TP73: variants seen among roughly 807,000 people sequenced by gnomAD.
TP73 encodes tumor protein p73.
TP73 carries 25 observed loss-of-function variants against 62.5 expected under a neutral mutation model. That is an observed-to-expected ratio of 0.40 (90% confidence interval 0.29 to 0.56). The LOEUF is 0.56. TP73 is among the 20% of genes least tolerant of loss of function. The probability of loss-of-function intolerance (pLI) is 0.46; values close to 1 mark genes in which losing one functional copy is unlikely to be tolerated. For synonymous variants in TP73, 423 were observed against 377.5 expected (o/e 1.12, Z -1.40); for missense variants, 754 against 913.3 (o/e 0.83, Z 2.25).
rs1645025482 is a variant in TP73 at position 3,662,788 on chromosome 1, C to G, written c.-34+10147C>G. Among the ~76,000 whole-genome samples the G allele has an allele frequency of 6.6e-6, 1 of 152,148 alleles. No individual in the cohort carries two copies. Among genetic ancestry groups the G allele is most frequent in the South Asian group, 2.1e-4 (1 of 4,824 alleles). On this transcript the variant is annotated intron_variant, in intron 1 of 13. Coordinates refer to ENST00000378295, the MANE Select transcript of TP73 (RefSeq NM_005427.4). The surrounding 1 kb of genome is among the most constrained non-coding windows in gnomAD (Gnocchi z 4.4). Reference sequence around the variant, plus strand: ...GGGGCCTAGAGGGGCCTCTATGGGCCTTGGAGATGGAATCAGCTCCCCACC... The same window carrying G: ...GGGGCCTAGAGGGGCCTCTATGGGCGTTGGAGATGGAATCAGCTCCCCACC...
chr1:3,685,443 G>A (rs979647444), intron 3 of TP73, among the ~76,000 whole-genome samples: 17 of 152,218 alleles, frequency 1.1e-4, no homozygotes, highest in African/African-American at 4.1e-4. Context: ...ATTCCTAGGT[G>A]CACAGCTCGA....
At chr1:3,719,475 C>T (rs1426457548) in intron 4 of TP73, among the ~76,000 whole-genome samples, 2 of 152,252 alleles carry the variant, frequency 1.3e-5, no homozygotes, top group Non-Finnish European at 2.9e-5. Flanking sequence ...TGTCCCCAAC[C>T]AGCACAGATG....
intron 4 of TP73, among the ~76,000 whole-genome samples, chr1:3,715,775 C>T (rs1179657350): frequency 1.3e-5 from 2 of 152,110 alleles, no homozygotes; most frequent in Non-Finnish European, 2.9e-5. Context: ...GCCCTCGTCT[C>T]CTACTGGACC....
chr1:3,730,309 T>C (rs1056686920), intron 11 of TP73, among the ~76,000 whole-genome samples, 161 bp downstream of exon 11: 2 of 152,326 alleles, frequency 1.3e-5, no homozygotes, highest in Non-Finnish European at 2.9e-5. Context: ...CAGCCACGGA[T>C]AGCCCTCTCT....
rs370148076 is a variant in TP73 at position 3,707,674 on chromosome 1, C to T, written c.312C>T (p.Ser104=). 7 of 1,613,160 alleles carry T rather than the reference C, an allele frequency of 4.3e-6. No homozygotes were observed. The highest frequency in any genetic ancestry group is 5.9e-6 in the Non-Finnish European group (7 of 1,179,974). ...PTHSPYAQPS[S]TFDTMSPAPV... ...ACTCGCCCTACGCACAACCCAGCTC[C>T]ACCTTCGACACCATGTCGCCGGCGC... is the stretch of plus-strand genomic sequence containing the variant. Residue 104 remains serine, a synonymous_variant, in exon 4 of 14, where the codon TCC becomes TCT. Transcript: ENST00000378295.
chr1:3,719,916 G>A (rs944372283), intron 4 of TP73, among the ~76,000 whole-genome samples: 17 of 151,464 alleles, frequency 1.1e-4, no homozygotes, highest in Non-Finnish European at 1.6e-4. Context: ...GTGTGTGTGT[G>A]TGTGTGTGTG....
intron 1 of TP73, among the ~76,000 whole-genome samples, chr1:3,668,070 AAGGATGTTGAG>A (rs927421677): frequency 3.3e-5 from 5 of 152,290 alleles, no homozygotes; most frequent in African/African-American, 1.2e-4. Flanking sequence ...TGTCTCCAAC[AAGGATGTTGAG>A]AGGAGCCAGG....
chr1:3,656,452 C>T (rs960931189), intron 1 of TP73, among the ~76,000 whole-genome samples: 4 of 152,226 alleles, frequency 2.6e-5, no homozygotes, highest in African/African-American at 9.6e-5. Flanking sequence ...TCACATTTAG[C>T]CCATGGTGGC....
intron 4 of TP73, among the ~76,000 whole-genome samples, chr1:3,709,438 A>T (rs559134873): frequency 1.3e-5 from 2 of 152,360 alleles, no homozygotes; most frequent in East Asian, 3.9e-4. Context: ...AGACCGTGCC[A>T]GGGCTGTGGC....
chr1:3,661,407 T>C (rs1436158719), intron 1 of TP73, among the ~76,000 whole-genome samples: 1 of 152,110 alleles, frequency 6.6e-6, no homozygotes, highest in African/African-American at 2.4e-5. Flanking sequence ...AGTTAGATAG[T>C]TTAAAATACT....
At chr1:3,703,957 G>A (rs1639419421) in intron 3 of TP73, among the ~76,000 whole-genome samples, 2 of 152,204 alleles carry the variant, frequency 1.3e-5, no homozygotes, top group African/African-American at 4.8e-5. Flanking sequence ...GAAGAGAGAG[G>A]GCACCACGGA....
intron 3 of TP73, among the ~76,000 whole-genome samples, chr1:3,690,202 C>G (rs1216035872): frequency 6.6e-6 from 1 of 152,202 alleles, no homozygotes; most frequent in Non-Finnish European, 1.5e-5. Flanking sequence ...CCCACAAGAG[C>G]TGCTCACTCC....
At chr1:3,731,673 C>A in intron 13 of TP73, 117 bp downstream of exon 13, 1 of 910,466 alleles carries the variant, frequency 1.1e-6, no homozygotes, top group Non-Finnish European at 1.7e-6. Context: ...AACCCTTTCC[C>A]ACGGGCAAGC....
At chr1:3,697,883 G>C (rs1638808285) in intron 3 of TP73, among the ~76,000 whole-genome samples, 1 of 152,194 alleles carries the variant, frequency 6.6e-6, no homozygotes, top group South Asian at 2.1e-4. Context: ...CAGCCGTCCT[G>C]GACCGCCTTC....
chr1:3,688,789 G>A (rs571583958), intron 3 of TP73, among the ~76,000 whole-genome samples: 2 of 152,330 alleles, frequency 1.3e-5, no homozygotes, highest in Non-Finnish European at 2.9e-5. Flanking sequence ...GATGCTAAGG[G>A]TGGAGAGATG....
chr1:3,692,718 G>A (rs1301360774), intron 3 of TP73, among the ~76,000 whole-genome samples: 1 of 152,108 alleles, frequency 6.6e-6, no homozygotes, highest in East Asian at 1.9e-4. Context: ...GAAGCCTGGG[G>A]ACCTGGGGGA....
chr1:3,680,213 G>T (rs546680602), intron 1 of TP73, among the ~76,000 whole-genome samples: 2 of 152,188 alleles, frequency 1.3e-5, no homozygotes, highest in African/African-American at 4.8e-5. Context: ...TCTCACCCAC[G>T]CTGTAGCATG....
chr1:3,732,954 A>G lies in TP73; in HGVS notation c.1786A>G (p.Ile596Val), dbSNP rs1462934105. The change falls in exon 14 of 14, where the codon ATC (isoleucine) becomes GTC (valine). Residue 596 changes from isoleucine (I) to valine (V), a missense_variant. By Grantham distance (29) the Ile-to-Val change is conservative (BLOSUM62 3). This residue lies in a region of TP73 where 458 missense variants were observed against 528.7 expected (regional missense o/e 0.87). Transcript: ENST00000378295. Reference protein sequence around the residue: ...VHFRVRHTITIPNRGGPGGGP... With the variant: ...VHFRVRHTITVPNRGGPGGGP... ...CTTCCGCGTGCGCCACACCATCACC[A>G]TCCCCAACCGCGGCGGCCCAGGCGG... The G allele has an allele frequency of 1.2e-6, 2 of 1,608,274 alleles. No homozygotes were observed. Among genetic ancestry groups the G allele is most frequent in the Non-Finnish European group, 1.7e-6 (2 of 1,178,996 alleles).
intron 1 of TP73, among the ~76,000 whole-genome samples, chr1:3,669,238 G>A (rs1570386246): frequency 6.6e-6 from 1 of 152,336 alleles, no homozygotes; most frequent in Admixed American, 6.5e-5. Flanking sequence ...CGTGGGTGCA[G>A]TGGCTCCGGG....
Sources: allele counts gnomAD v4.1 joint callset (sites outside exome capture counted in the v4.1 genomes callset), GRCh38; gene constraint gnomAD v4.1.1; regional missense constraint gnomAD v4.1.1; non-coding constraint Gnocchi (gnomAD v3.1); transcripts MANE v1.5; gene names NCBI Gene and HGNC (gene_info 2026-07-23, HGNC 2026-07-21).